Variants in CACNA1B observed in about 807,000 individuals in gnomAD.
The protein encoded by CACNA1B is voltage-dependent N-type calcium channel subunit alpha-1B.
A neutral mutation model predicts 247.2 loss-of-function variants in CACNA1B; 70 were observed. The ratio of observed to expected loss-of-function variants is 0.28; its 90% confidence interval spans 0.23 to 0.35. CACNA1B has a LOEUF of 0.35. CACNA1B is among the 10% of genes least tolerant of loss of function. The pLI, the probability that CACNA1B is intolerant of heterozygous loss-of-function variation, is 1.00. For synonymous variants in CACNA1B, 1,231 were observed against 1,294.4 expected, an observed-to-expected ratio of 0.95 and a Z score of 1.05; for missense variants, 2,367 against 3,197.4, an observed-to-expected ratio of 0.74 and a Z score of 6.26.
chr9:138,010,198 G>T lies in CACNA1B; in HGVS notation c.2160+121G>T. On this transcript the variant is annotated intron_variant, in intron 17 of 46. Coordinates refer to ENST00000371372, the MANE Select transcript of CACNA1B (RefSeq NM_000718.4). This position sits in a 1 kb window ranked among gnomAD's most constrained non-coding sequence, Gnocchi z 5.3. ...CAGGAGCGTTGCCTTGGGTCCTGGC[G>T]GGCAGAGGCTGGTCTGTCACTCAGG... 1.4e-6 allele frequency: 1 copy of T among 725,826 alleles called. No individual in the cohort carries two copies. The highest frequency in any genetic ancestry group is 2.7e-5 in the East Asian group (1 of 36,572). 45.0% of individuals were successfully genotyped at this position (725,826 alleles called of 1,614,324 possible).
At chr9:137,991,580 GA>G (rs1958432173) in intron 15 of CACNA1B, among the ~76,000 whole-genome samples, 1 of 152,196 alleles carries the variant, frequency 6.6e-6, no homozygotes, top group East Asian at 1.9e-4. Flanking sequence ...ACACACTTGG[GA>G]AATTCATTGC....
chr9:137,938,429 G>A (rs1957694881), intron 6 of CACNA1B, among the ~76,000 whole-genome samples: 1 of 152,156 alleles, frequency 6.6e-6, no homozygotes, highest in Non-Finnish European at 1.5e-5. Flanking sequence ...AATGTTGAAT[G>A]TAAATGGCCT....
At chr9:138,098,284 A>G (rs1171662816) in intron 37 of CACNA1B, among the ~76,000 whole-genome samples, 2 of 152,200 alleles carry the variant, frequency 1.3e-5, no homozygotes, top group Admixed American at 1.3e-4. Context: ...AAGTAAGCCC[A>G]GTCGACCTGG....
In CACNA1B at chr9:138,115,534, C is replaced by T; in HGVS notation, c.5650-18C>T. ...AGGCCCATTGGAGCTCTTTCCCTTC[C>T]CTTTGCCTCCTTTGCAGATGGGTCC... On this transcript the variant is annotated intron_variant, in intron 41 of 46. Coordinates refer to ENST00000371372, the MANE Select transcript of CACNA1B (RefSeq NM_000718.4). The T allele has an allele frequency of 6.2e-7, 1 of 1,609,484 alleles. No homozygotes were observed. The highest frequency in any genetic ancestry group is 1.1e-5 in the South Asian group (1 of 90,526).
intron 6 of CACNA1B, among the ~76,000 whole-genome samples, chr9:137,932,458 G>A (rs1283685236): frequency 6.6e-6 from 1 of 152,200 alleles, no homozygotes; most frequent in Non-Finnish European, 1.5e-5. Flanking sequence ...TTTCAAGACA[G>A]AACTTGTTTT....
rs1341172289 is a variant in CACNA1B at position 137,974,812 on chromosome 9, C to T, written c.1544-1095C>T. ...CTCAGGGGCCTGCCCTTCATGCCCT[C>T]CCAGGGCCTTGTTCTCCATGTGGGC... On this transcript the variant is annotated intron_variant, in intron 11 of 46. Transcript: ENST00000371372. This position sits in a 1 kb window ranked among gnomAD's most constrained non-coding sequence, Gnocchi z 4.5. Among the ~76,000 whole-genome samples, 1 of 152,240 alleles carries T rather than the reference C, an allele frequency of 6.6e-6. No homozygotes were observed. The highest frequency in any genetic ancestry group is 1.5e-5 in the Non-Finnish European group (1 of 68,030).
intron 39 of CACNA1B, among the ~76,000 whole-genome samples, chr9:138,112,186 C>T (rs966662691): frequency 2.0e-5 from 3 of 152,152 alleles, no homozygotes; most frequent in Non-Finnish European, 4.4e-5. Flanking sequence ...TCACCTGCCT[C>T]CTCCTCTGGG....
At chr9:137,999,288 A>G (rs1007021237) in intron 15 of CACNA1B, among the ~76,000 whole-genome samples, 2 of 152,196 alleles carry the variant, frequency 1.3e-5, no homozygotes, top group Non-Finnish European at 2.9e-5. Flanking sequence ...CAACTTTGAT[A>G]TCATTTAGAT....
At chr9:138,099,120 CAT>C (rs528299019) in intron 37 of CACNA1B, among the ~76,000 whole-genome samples, 13 of 152,298 alleles carry the variant, frequency 8.5e-5, no homozygotes, top group Middle Eastern at 3.4e-3. Flanking sequence ...TGTGTGTGCA[CAT>C]GTGTGGTGCA....
In CACNA1B at chr9:138,094,457, A is replaced by AAAAAAAAAAAAGAAG. The variant is rs752912258; in HGVS notation, c.5095-2025_5095-2024insAAAAAAAAAGAAGAA. ...TTTACTACAGTAAAAAAAAAAAAAA[A>AAAAAAAAAAAAGAAG]AAGAAGAAGAAGAAGAAAGTGAACA... On this transcript the variant is annotated intron_variant, in intron 36 of 46. Transcript: ENST00000371372. Among the ~76,000 whole-genome samples, 16 of 134,862 alleles carry AAAAAAAAAAAAGAAG rather than the reference A, an allele frequency of 1.2e-4. 1 individual carries two copies. Among genetic ancestry groups the AAAAAAAAAAAAGAAG allele is most frequent in the East Asian group, 5.2e-4 (2 of 3,854 alleles). 88.5% of individuals were successfully genotyped at this position (134,862 alleles called of 152,430 possible).
At chr9:138,053,206 G>A (rs963690031) in intron 25 of CACNA1B, among the ~76,000 whole-genome samples, 1 of 152,236 alleles carries the variant, frequency 6.6e-6, no homozygotes, top group Non-Finnish European at 1.5e-5. Context: ...CCCAGCACCT[G>A]CTGGTGCAGC....
chr9:138,116,220 C>T (rs932402496), intron 42 of CACNA1B, among the ~76,000 whole-genome samples: 7 of 151,686 alleles, frequency 4.6e-5, no homozygotes, highest in African/African-American at 1.7e-4. Context: ...CTTTCTAACC[C>T]CGTAAGGCAC....
At chr9:137,963,482 C>T (rs1958042186) in intron 10 of CACNA1B, among the ~76,000 whole-genome samples, 1 of 152,194 alleles carries the variant, frequency 6.6e-6, no homozygotes, top group African/African-American at 2.4e-5. Context: ...GCAACCTCCG[C>T]CTCCCAAGTT....
chr9:137,893,534 C>G (rs1247809394), intron 3 of CACNA1B, among the ~76,000 whole-genome samples: 2 of 151,526 alleles, frequency 1.3e-5, no homozygotes, highest in Non-Finnish European at 2.9e-5. Flanking sequence ...GCCTGTAATC[C>G]CACTTACTCA....
rs1958730395 is a variant in CACNA1B at position 138,012,021 on chromosome 9, T to C, written c.2161-1108T>C. Among the ~76,000 whole-genome samples, 2 of 152,178 alleles carry C rather than the reference T, an allele frequency of 1.3e-5. No homozygotes were observed. Among genetic ancestry groups the C allele is most frequent in the South Asian group, 4.1e-4 (2 of 4,826 alleles). ...TCCGGAACCCAGGTGCCGAGCATGT[T>C]GGTCTTGTTTAGTGACTTAGGGTCA... On this transcript the variant is annotated intron_variant, in intron 17 of 46. Coordinates refer to ENST00000371372, the MANE Select transcript of CACNA1B (RefSeq NM_000718.4). The surrounding 1 kb of genome is among the most constrained non-coding windows in gnomAD (Gnocchi z 4.2).
Position 137,914,533 on chromosome 9 carries a change from C to A in CACNA1B, c.623-121C>A. ...CAGCTCTATCCTTTGCCCTTGCAAGCACTCACTGCTTAGCACCTTGCTGTC... is the reference window on the plus strand; with the variant it reads ...CAGCTCTATCCTTTGCCCTTGCAAGAACTCACTGCTTAGCACCTTGCTGTC... On this transcript the variant is annotated intron_variant, in intron 4 of 46. Coordinates refer to ENST00000371372, the MANE Select transcript of CACNA1B (RefSeq NM_000718.4). The surrounding 1 kb of genome is among the most constrained non-coding windows in gnomAD (Gnocchi z 4.3). The A allele has an allele frequency of 1.3e-6, 1 of 766,776 alleles. No individual in the cohort carries two copies. Among genetic ancestry groups the A allele is most frequent in the Non-Finnish European group, 2.1e-6 (1 of 469,466 alleles). 47.5% of individuals were successfully genotyped at this position (766,776 alleles called of 1,614,324 possible).
intron 39 of CACNA1B, 95 bp downstream of exon 39, chr9:138,105,902 T>C (rs1421637594): frequency 1.4e-6 from 1 of 726,540 alleles, no homozygotes; most frequent in Non-Finnish European, 2.4e-6. Flanking sequence ...GGGAGGAGGG[T>C]GAGGGGCCAG....
intron 36 of CACNA1B, among the ~76,000 whole-genome samples, chr9:138,096,126 A>G (rs1472764111): frequency 6.6e-6 from 1 of 152,230 alleles, no homozygotes; most frequent in Admixed American, 6.5e-5. Context: ...ATTTTAAAAT[A>G]AGAACCCAAA....
chr9:138,074,399 C>A (rs1394955698), intron 34 of CACNA1B, among the ~76,000 whole-genome samples: 9 of 152,150 alleles, frequency 5.9e-5, no homozygotes, highest in African/African-American at 2.2e-4. Context: ...TGCCACCACG[C>A]CCGGCTAATT....
Sources: allele counts gnomAD v4.1 joint callset (sites outside exome capture counted in the v4.1 genomes callset), GRCh38; gene constraint gnomAD v4.1.1; non-coding constraint Gnocchi (gnomAD v3.1); transcripts MANE v1.5; gene names NCBI Gene and HGNC (gene_info 2026-07-23, HGNC 2026-07-21).